The following DDI2 variants were observed in gnomAD, a reference collection of about 807,000 sequenced individuals.
DDI2 encodes protein DDI1 homolog 2.
In DDI2, 5 loss-of-function variants were observed where a neutral mutation model predicts 48.1. That is an observed-to-expected ratio of 0.10 (90% CI 0.05 to 0.22). The LOEUF (loss-of-function observed/expected upper bound fraction) is 0.22, where lower values mean the gene tolerates loss of function less well. Ranked by LOEUF, DDI2 falls within the 10% of genes least tolerant of loss-of-function variation. The pLI, the probability that DDI2 is intolerant of heterozygous loss-of-function variation, is 1.00. For missense variants in DDI2, 285 were observed against 506.2 expected (o/e 0.56, Z 4.19); for synonymous variants, 205 against 183.6 (o/e 1.12, Z -0.94).
chr1:15,662,383 A>G lies in DDI2; in HGVS notation c.*2593A>G, dbSNP rs41270279. 0.32 allele frequency: 48,832 copies of G among 152,148 alleles called. 8,748 individuals carry two copies. Among genetic ancestry groups the G allele is most frequent in the African/African-American group, 0.46 (19,032 of 41,468 alleles). 9.4% of individuals were successfully genotyped at this position (152,148 alleles called of 1,614,324 possible). On this transcript the variant is annotated 3_prime_UTR_variant, in exon 10 of 10. Transcript: ENST00000480945. Reference sequence around the variant, plus strand: ...TAAATCTTGGGCTACTTTGTGCATCACAGGCTGCTGCATGGATTGCCATGA... The same window carrying G: ...TAAATCTTGGGCTACTTTGTGCATCGCAGGCTGCTGCATGGATTGCCATGA...
rs1201742131 is a variant in DDI2 at position 15,668,646 on chromosome 1, T to C, written c.*8856T>C. 6.6e-6 allele frequency: 1 copy of C among 152,192 alleles called. No homozygotes were observed. The highest frequency in any genetic ancestry group is 2.4e-5 in the African/African-American group (1 of 41,450). 9.4% of individuals were successfully genotyped at this position (152,192 alleles called of 1,614,324 possible). Reference sequence around the variant, plus strand: ...CTTTATATGTTCTTGCAGTTACTCTTGTATTGCAAGATTTTCTGACTTTAA... The same window carrying C: ...CTTTATATGTTCTTGCAGTTACTCTCGTATTGCAAGATTTTCTGACTTTAA... On this transcript the variant is annotated 3_prime_UTR_variant, in exon 10 of 10. Transcript: ENST00000480945.
intron 1 of DDI2, among the ~76,000 whole-genome samples, chr1:15,620,404 T>C (rs1034301992): frequency 4.6e-5 from 7 of 152,058 alleles, no homozygotes; most frequent in African/African-American, 1.7e-4. Flanking sequence ...CCCATAAATA[T>C]ATCATGTTTA....
intron 1 of DDI2, among the ~76,000 whole-genome samples, chr1:15,620,829 TAAGG>T (rs1163888770): frequency 6.6e-6 from 1 of 152,176 alleles, no homozygotes; most frequent in Non-Finnish European, 1.5e-5. Context: ...AAATGGAGCT[TAAGG>T]AAGGACGAAC....
chr1:15,648,485 A>T (rs1485813415), intron 6 of DDI2, among the ~76,000 whole-genome samples: 1 of 152,234 alleles, frequency 6.6e-6, no homozygotes, highest in African/African-American at 2.4e-5. Context: ...GTGAGACTGG[A>T]TGTGCTCATT....
rs1640440246 is a variant in DDI2, at chr1:15,665,560, T to G, written c.*5770T>G. On this transcript the variant is annotated 3_prime_UTR_variant, in exon 10 of 10. Transcript: ENST00000480945. ...ATCTCCGGTGAAAGCCATAAAAATT[T>G]AGGTTAACTTTTAAGCTCATGTCTA... 6.6e-6 allele frequency: 1 copy of G among 152,210 alleles called. No homozygotes were observed. The highest frequency in any genetic ancestry group is 2.4e-5 in the African/African-American group (1 of 41,456). The allele number at this position is 152,210 out of a possible 1,614,324, so 9.4% of individuals were successfully genotyped here. A position where few individuals can be genotyped will look rare whatever the true frequency, so the allele number is the denominator to read the frequency against.
rs779050151 is a variant in DDI2, at chr1:15,661,010, A to T, written c.*1220A>T. ...AATACATCTGAAGAAGTAATCTGTC[A>T]ATCAGAAACCATAGCTGAGGGCCAA... On this transcript the variant is annotated 3_prime_UTR_variant, in exon 10 of 10. Transcript: ENST00000480945. 6.2e-7 allele frequency: 1 copy of T among 1,614,076 alleles called. No individual in the cohort carries two copies. The highest frequency in any genetic ancestry group is 1.1e-5 in the South Asian group (1 of 91,050).
In DDI2 at chr1:15,647,820, G is replaced by A. The variant is rs956395652; in HGVS notation, c.890-1900G>A. On this transcript the variant is annotated intron_variant, in intron 6 of 9. Transcript: ENST00000480945. ...CTACTAAAACTACAAAAAATTAGCC[G>A]GTTGTCATGACCGTACGCCTGTAGT... Among the ~76,000 whole-genome samples, 5 of 151,922 alleles carry A rather than the reference G, an allele frequency of 3.3e-5. No individual in the cohort carries two copies. The East Asian group carries it at 5.8e-4, about 18-fold the overall frequency.
chr1:15,656,693 C>G lies in DDI2; in HGVS notation c.*46+14C>G. 6 of 1,613,838 alleles carry G rather than the reference C, an allele frequency of 3.7e-6. No homozygotes were observed. Among genetic ancestry groups the G allele is most frequent in the Non-Finnish European group, 5.1e-6 (6 of 1,179,866 alleles). ...GCCCCAGACCAGGTATTTATAGACA[C>G]CATGTTAAGCCTTCCATCCAGTTGT... On this transcript the variant is annotated intron_variant, in intron 9 of 9. Coordinates refer to ENST00000480945, the MANE Select transcript of DDI2 (RefSeq NM_032341.5).
chr1:15,653,253 G>A (rs1000114925), intron 8 of DDI2, among the ~76,000 whole-genome samples: 6 of 151,022 alleles, frequency 4.0e-5, no homozygotes, highest in African/African-American at 1.5e-4. Context: ...TCTTAGGACT[G>A]TTTTATTTTA....
Position 15,630,579 on chromosome 1 carries a change from G to A in DDI2, c.505+18G>A, listed in dbSNP as rs754621645. The A allele has an allele frequency of 6.3e-7, 1 of 1,575,062 alleles. No homozygotes were observed. The highest frequency in any genetic ancestry group is 1.1e-5 in the South Asian group (1 of 90,278). ...AGACCTTGGTAAGCTTATAAATTTG[G>A]AAGGCTATTAGGCTGGCCTGAGGTG... On this transcript the variant is annotated intron_variant, in intron 3 of 9. Transcript: ENST00000480945.
rs946754018 is a variant in DDI2 at position 15,633,833 on chromosome 1, A to G, written c.632+268A>G. 3.1e-5 allele frequency: 15 copies of G among 481,900 alleles called. No individual in the cohort carries two copies. In the Admixed American group the frequency reaches 3.2e-4, roughly 10 times the overall value. The allele number at this position is 481,900 out of a possible 1,614,324, so 29.9% of individuals were successfully genotyped here. On this transcript the variant is annotated intron_variant, in intron 4 of 9. Coordinates refer to ENST00000480945, the MANE Select transcript of DDI2 (RefSeq NM_032341.5). ...TGACTAGCAGACAGAGCATCATAAC[A>G]CAGCTTTAGATAAATGACCCCCGGA...
chr1:15,635,765 C>A (rs1639918966), intron 4 of DDI2, among the ~76,000 whole-genome samples: 1 of 152,032 alleles, frequency 6.6e-6, no homozygotes, highest in Non-Finnish European at 1.5e-5. Context: ...ACATATGGAC[C>A]CCAGAAAAGC....
rs1156988532 is a variant in DDI2, at chr1:15,651,831, A to G, written c.1119A>G (p.Val373=). ...CATATGGGGCTGGAAGAGAGGATGT[A>G]CGGCCAGAGGAGATTGCAGACCAAG... is the stretch of plus-strand genomic sequence containing the variant. ...RLAYGAGRED[V]RPEEIADQEL... Residue 373 remains valine, a synonymous_variant, in exon 8 of 10, where the codon GTA becomes GTG. Coordinates refer to ENST00000480945, the MANE Select transcript of DDI2 (RefSeq NM_032341.5). The G allele has an allele frequency of 6.2e-7, 1 of 1,614,046 alleles. No homozygotes were observed. Among genetic ancestry groups the G allele is most frequent in the Non-Finnish European group, 8.5e-7 (1 of 1,179,974 alleles).
At position 15,625,773 on chromosome 1, in the gene DDI2, G is replaced by A. The variant is rs546507209; in HGVS notation, c.139-896G>A. 2.9e-4 allele frequency among the ~76,000 whole-genome samples: 44 copies of A among 152,098 alleles called. No homozygotes were observed. The South Asian group carries it at 8.7e-3, about 30-fold the overall frequency. ...AGCTGGGATTACAGGCACGTGCCAC[G>A]ACACTGGGCTAATTTTTGTATTTTT... On this transcript the variant is annotated intron_variant, in intron 1 of 9. Coordinates refer to ENST00000480945, the MANE Select transcript of DDI2 (RefSeq NM_032341.5).
At chr1:15,654,782 A>G (rs1277438838) in intron 8 of DDI2, among the ~76,000 whole-genome samples, 1 of 152,180 alleles carries the variant, frequency 6.6e-6, no homozygotes, top group African/African-American at 2.4e-5. Context: ...ACAACCAGAC[A>G]GAGACTAACT....
intron 2 of DDI2, among the ~76,000 whole-genome samples, chr1:15,629,144 T>C (rs1435128150): frequency 6.6e-6 from 1 of 152,156 alleles, no homozygotes; most frequent in East Asian, 1.9e-4. Context: ...ATGATGACAC[T>C]GTTTAGCTCC....
At chr1:15,648,238 CTT>C (rs1250070108) in intron 6 of DDI2, among the ~76,000 whole-genome samples, 2 of 152,142 alleles carry the variant, frequency 1.3e-5, no homozygotes, top group African/African-American at 4.8e-5. Context: ...TTTTTGATGA[CTT>C]TAAATGAGAA....
intron 8 of DDI2, among the ~76,000 whole-genome samples, chr1:15,652,915 G>T (rs1169900176): frequency 2.0e-5 from 3 of 152,162 alleles, no homozygotes; most frequent in African/African-American, 7.2e-5. Flanking sequence ...TGAGGCAGGA[G>T]AATTGCTTGA....
intron 6 of DDI2, among the ~76,000 whole-genome samples, chr1:15,644,397 A>G (rs1310909057): frequency 6.6e-6 from 1 of 152,084 alleles, no homozygotes; most frequent in Non-Finnish European, 1.5e-5. Context: ...GTAAATTGAG[A>G]CTAATTATCA....
Sources: allele counts gnomAD v4.1 joint callset (sites outside exome capture counted in the v4.1 genomes callset), GRCh38; gene constraint gnomAD v4.1.1; transcripts MANE v1.5; gene names NCBI Gene and HGNC (gene_info 2026-07-23, HGNC 2026-07-21).